Variants in RBL2 observed in about 807,000 individuals in gnomAD.
RBL2 encodes retinoblastoma-like protein 2.
RBL2 carries 56 observed loss-of-function variants against 126.0 expected under a neutral mutation model. The observed-to-expected ratio is 0.44, with a 90% CI of 0.36 to 0.56. RBL2 has a LOEUF of 0.56. RBL2 is among the 20% of genes least tolerant of loss of function. The probability of loss-of-function intolerance (pLI) is 0.00; values close to 1 mark genes in which losing one functional copy is unlikely to be tolerated. For missense variants in RBL2, 1,229 were observed against 1,398.2 expected, an observed-to-expected ratio of 0.88 and a Z score of 1.93; for synonymous variants, 454 against 478.5, an observed-to-expected ratio of 0.95 and a Z score of 0.67.
At chr16:53,449,200 T>C (rs761246125) in intron 4 of RBL2, 7 of 152,224 alleles carry the variant, frequency 4.6e-5, no homozygotes, top group Non-Finnish European at 7.3e-5. Context: ...TATGATTGTA[T>C]TGGGCAAGTA....
At chr16:53,451,648 A>G in intron 4 of RBL2, 55 bp from the exon 5 acceptor site, 14 of 1,563,512 alleles carry the variant, frequency 9.0e-6, no homozygotes, top group Non-Finnish European at 1.2e-5. Flanking sequence ...AAATTTTTTA[A>G]AAATGTTACA....
At chr16:53,436,302 A>T (rs2057958316) in intron 1 of RBL2, among the ~76,000 whole-genome samples, 1 of 152,186 alleles carries the variant, frequency 6.6e-6, no homozygotes, top group Non-Finnish European at 1.5e-5. Flanking sequence ...AACTCATAGC[A>T]GTTAAGTTGT....
chr16:53,453,672 A>G (rs774336755), intron 6 of RBL2, 33 bp from the exon 7 acceptor site: 231 of 1,604,118 alleles, frequency 1.4e-4, no homozygotes, highest in Non-Finnish European at 1.8e-4. Context: ...TTGATTTAAC[A>G]TGACGACTTA....
rs1410130923 is a variant in RBL2 at position 53,490,489 on chromosome 16, A to G, written c.*189A>G. ...CCTTAGAACATTTTAATTCATCCCA[A>G]CTGTCTTTTTTTCCCTACCATTCAG... On this transcript the variant is annotated 3_prime_UTR_variant, in exon 22 of 22. Coordinates refer to ENST00000262133, the MANE Select transcript of RBL2 (RefSeq NM_005611.4). The G allele has an allele frequency of 2.3e-6, 1 of 431,782 alleles. No homozygotes were observed. Among genetic ancestry groups the G allele is most frequent in the Non-Finnish European group, 4.0e-6 (1 of 253,038 alleles). 26.7% of individuals were successfully genotyped at this position (431,782 alleles called of 1,614,324 possible). A position where few individuals can be genotyped will look rare whatever the true frequency, so the allele number is the denominator to read the frequency against.
chr16:53,475,189 T>C (rs1354532536), intron 17 of RBL2, among the ~76,000 whole-genome samples: 1 of 152,164 alleles, frequency 6.6e-6, no homozygotes, highest in African/African-American at 2.4e-5. Flanking sequence ...TCAGTAGTAA[T>C]GTCCTTTTCC....
chr16:53,487,513 C>T (rs1057335862), intron 21 of RBL2: 16 of 152,172 alleles, frequency 1.1e-4, no homozygotes, highest in African/African-American at 3.9e-4. Flanking sequence ...TAAACTTGTT[C>T]CCATACCCTG....
chr16:53,480,444 G>T (rs1358935902), intron 19 of RBL2, 123 bp from the exon 20 acceptor site: 3 of 776,364 alleles, frequency 3.9e-6, no homozygotes, highest in Non-Finnish European at 6.5e-6. Flanking sequence ...GAAGAACAGA[G>T]TGCCTATTCA....
chr16:53,485,852 T>TA (rs79378831), intron 21 of RBL2, among the ~76,000 whole-genome samples: 61 of 147,856 alleles, frequency 4.1e-4, no homozygotes, highest in African/African-American at 1.1e-3. Flanking sequence ...TGAGACCATC[T>TA]AAAAAAAAAC....
At chr16:53,479,404 T>C (rs1434152559) in intron 18 of RBL2, 179 bp downstream of exon 18, 1 of 577,138 alleles carries the variant, frequency 1.7e-6, no homozygotes, top group Non-Finnish European at 3.0e-6. Flanking sequence ...AGGTCTCTTT[T>C]CCTCAAAAGG....
chr16:53,464,368 T>C lies in RBL2; in HGVS notation c.1698+5T>C, dbSNP rs773578065. 2 of 1,552,788 alleles carry C rather than the reference T, an allele frequency of 1.3e-6. No individual in the cohort carries two copies. Among genetic ancestry groups the C allele is most frequent in the Non-Finnish European group, 1.8e-6 (2 of 1,130,484 alleles). Reference sequence around the variant, plus strand: ...CCTCTTTATCATTTTTATAAGGTATTTTTAAAAATATGATACTAATGGGGA... The same window carrying C: ...CCTCTTTATCATTTTTATAAGGTATCTTTAAAAATATGATACTAATGGGGA... On this transcript the variant is annotated splice_donor_5th_base_variant and intron_variant, in intron 12 of 21. Transcript: ENST00000262133.
intron 14 of RBL2, among the ~76,000 whole-genome samples, chr16:53,468,720 G>A (rs965219958): frequency 1.3e-5 from 2 of 152,026 alleles, no homozygotes; most frequent in Non-Finnish European, 2.9e-5. Flanking sequence ...AGTTTGTTAG[G>A]ATTTACTCCT....
At chr16:53,453,918 T>A in intron 7 of RBL2, 149 bp downstream of exon 7, 1 of 663,456 alleles carries the variant, frequency 1.5e-6, no homozygotes, top group East Asian at 2.8e-5. Context: ...CACCTAAATA[T>A]AAGCACACTT....
At chr16:53,439,650 T>C (rs1759576416) in intron 2 of RBL2, among the ~76,000 whole-genome samples, 1 of 152,088 alleles carries the variant, frequency 6.6e-6, no homozygotes, top group South Asian at 2.1e-4. Flanking sequence ...AGAAATTGCT[T>C]TATCTGTTGT....
At chr16:53,449,099 A>G (rs2153140240) in intron 4 of RBL2, 1 of 152,364 alleles carries the variant, frequency 6.6e-6, no homozygotes, top group Middle Eastern at 3.4e-3. Flanking sequence ...AGTGGCATGA[A>G]ATAAAGGTTT....
intron 2 of RBL2, among the ~76,000 whole-genome samples, chr16:53,441,624 A>G (rs2153138239): frequency 6.6e-6 from 1 of 152,336 alleles, no homozygotes; most frequent in East Asian, 1.9e-4. Context: ...CCACTGAAGT[A>G]TGATAGCATT....
intron 8 of RBL2, among the ~76,000 whole-genome samples, chr16:53,457,258 C>CATTTTTTTTTTTTTTTTT (rs1555566426): frequency 1.1e-5 from 1 of 89,954 alleles, no homozygotes; most frequent in African/African-American, 6.0e-5. Context: ...GTACAGATAG[C>CATTTTTTTTTTTTTTTTT]TTTTTTTTTT....
chr16:53,479,609 C>A, intron 18 of RBL2: 1 of 455,968 alleles, frequency 2.2e-6, no homozygotes, highest in Non-Finnish European at 3.9e-6. Flanking sequence ...GGCAAATCGG[C>A]CAGATCTGTG....
At chr16:53,435,488 C>T (rs2057949817) in intron 1 of RBL2, 2 of 955,904 alleles carry the variant, frequency 2.1e-6, no homozygotes, top group South Asian at 1.7e-5. Context: ...TGTTGCGATC[C>T]GGGTGTGTTA....
chr16:53,461,290 C>G (rs1165254968), intron 9 of RBL2, among the ~76,000 whole-genome samples: 1 of 152,092 alleles, frequency 6.6e-6, no homozygotes, highest in African/African-American at 2.4e-5. Flanking sequence ...GCCAGGAGTT[C>G]GAGACCAGCC....
Sources: allele counts gnomAD v4.1 joint callset (sites outside exome capture counted in the v4.1 genomes callset), GRCh38; gene constraint gnomAD v4.1.1; transcripts MANE v1.5; gene names NCBI Gene and HGNC (gene_info 2026-07-23, HGNC 2026-07-21).